The following ASTN2 variants were observed in gnomAD, a reference collection of about 807,000 sequenced individuals.
ASTN2 encodes astrotactin-2.
ASTN2 carries 54 observed loss-of-function variants against 139.8 expected under a neutral mutation model. The observed-to-expected ratio is 0.39, with a 90% CI of 0.31 to 0.48. The LOEUF (loss-of-function observed/expected upper bound fraction) is 0.48, where lower values mean the gene tolerates loss of function less well. ASTN2 is among the 20% of genes least tolerant of loss of function. The pLI is 0.95. For synonymous variants in ASTN2, 756 were observed against 719.5 expected, an observed-to-expected ratio of 1.05 and a Z score of -0.81; for missense variants, 1,565 against 1,725.1, an observed-to-expected ratio of 0.91 and a Z score of 1.64.
At chr9:117,247,286 G>A (rs1833408124) in intron 2 of ASTN2, among the ~76,000 whole-genome samples, 1 of 152,196 alleles carries the variant, frequency 6.6e-6, no homozygotes, top group Non-Finnish European at 1.5e-5. Flanking sequence ...CTTAACTTAG[G>A]GTCTTTTGAG....
intron 4 of ASTN2, among the ~76,000 whole-genome samples, chr9:117,106,592 G>C (rs979752155): frequency 6.6e-6 from 1 of 152,070 alleles, no homozygotes; most frequent in Non-Finnish European, 1.5e-5. Flanking sequence ...ATTTATTGTA[G>C]AAATGTTTTC....
chr9:116,602,717 T>C (rs1224627791), intron 19 of ASTN2, among the ~76,000 whole-genome samples: 1 of 152,136 alleles, frequency 6.6e-6, no homozygotes, highest in Non-Finnish European at 1.5e-5. Flanking sequence ...TTACTTGAGC[T>C]CAGGAGTTCG....
chr9:116,464,025 G>C (rs1848576263), intron 20 of ASTN2, among the ~76,000 whole-genome samples: 1 of 149,870 alleles, frequency 6.7e-6, no homozygotes, highest in Non-Finnish European at 1.5e-5. Context: ...TGAGATTAAA[G>C]GTGCCAGCCA....
intron 13 of ASTN2, among the ~76,000 whole-genome samples, chr9:116,742,032 G>A (rs375258333): frequency 6.6e-6 from 1 of 152,214 alleles, no homozygotes; most frequent in Non-Finnish European, 1.5e-5. Flanking sequence ...CTGTCCTCCA[G>A]TTACTCACAG....
chr9:116,921,173 C>G (rs2132435899), intron 10 of ASTN2, among the ~76,000 whole-genome samples: 1 of 152,222 alleles, frequency 6.6e-6, no homozygotes, highest in Non-Finnish European at 1.5e-5. Context: ...ACAACAAGAT[C>G]TCACAAGAAT....
At chr9:117,139,318 C>T (rs976887658) in intron 4 of ASTN2, among the ~76,000 whole-genome samples, 6 of 152,178 alleles carry the variant, frequency 3.9e-5, no homozygotes, top group African/African-American at 1.4e-4. Context: ...TGATGTAGGG[C>T]TTGGCATCCT....
chr9:116,863,477 T>C (rs1329469442), intron 11 of ASTN2, 106 bp downstream of exon 11: 3 of 1,429,210 alleles, frequency 2.1e-6, no homozygotes, highest in Admixed American at 2.1e-5. Context: ...ATAAGGGTAG[T>C]GTGGATATGA....
chr9:116,738,627 G>T (rs1829010035), intron 13 of ASTN2, among the ~76,000 whole-genome samples: 1 of 152,140 alleles, frequency 6.6e-6, no homozygotes, highest in Non-Finnish European at 1.5e-5. Context: ...AACAGATATA[G>T]GAGTGTGTAT....
chr9:117,119,535 C>A (rs919589280), intron 4 of ASTN2, among the ~76,000 whole-genome samples: 1 of 152,158 alleles, frequency 6.6e-6, no homozygotes, highest in African/African-American at 2.4e-5. Flanking sequence ...AGCTTTCACT[C>A]CACAGCTTGC....
At chr9:117,323,172 C>T (rs974037740) in intron 1 of ASTN2, among the ~76,000 whole-genome samples, 1 of 152,082 alleles carries the variant, frequency 6.6e-6, no homozygotes, top group African/African-American at 2.4e-5. Flanking sequence ...TGCACACACA[C>T]ACATATACAT....
Position 116,698,037 on chromosome 9 carries a change from A to G in ASTN2, c.2806+27734T>C. On this transcript the variant is annotated intron_variant, in intron 16 of 22. Transcript: ENST00000313400. The surrounding 1 kb of genome is among the most constrained non-coding windows in gnomAD (Gnocchi z 4.4). ...GCTCAGCGAGGCTGTGGGGCTGCTC[A>G]TGTGTCGGTCCTGTGGGCGGCGTCT... 1 of 1,614,016 alleles carries G rather than the reference A, an allele frequency of 6.2e-7. No homozygotes were observed. Among genetic ancestry groups the G allele is most frequent in the Non-Finnish European group, 8.5e-7 (1 of 1,180,022 alleles).
chr9:117,000,756 A>G (rs1443416101), intron 7 of ASTN2, among the ~76,000 whole-genome samples: 1 of 152,160 alleles, frequency 6.6e-6, no homozygotes, highest in East Asian at 1.9e-4. Context: ...TTCTCATCTC[A>G]TCCAGTGTTG....
At chr9:117,113,300 A>C (rs1047000788) in intron 4 of ASTN2, among the ~76,000 whole-genome samples, 1 of 152,212 alleles carries the variant, frequency 6.6e-6, no homozygotes, top group Non-Finnish European at 1.5e-5. Flanking sequence ...CAGCAGTTTT[A>C]TCCACAGTAG....
intron 1 of ASTN2, among the ~76,000 whole-genome samples, chr9:117,368,567 A>G (rs1373180664): frequency 2.6e-5 from 4 of 152,138 alleles, no homozygotes; most frequent in Non-Finnish European, 5.9e-5. Context: ...GAGTTTTTCC[A>G]TTATCATTGA....
chr9:117,111,356 T>A (rs1829243799), intron 4 of ASTN2, among the ~76,000 whole-genome samples: 1 of 152,040 alleles, frequency 6.6e-6, no homozygotes, highest in African/African-American at 2.4e-5. Flanking sequence ...ACTAAAAATG[T>A]GAGGACTATT....
At chr9:116,597,299 A>ATTTTTTT (rs757848093) in intron 19 of ASTN2, among the ~76,000 whole-genome samples, 2 of 75,532 alleles carry the variant, frequency 2.6e-5, no homozygotes, top group South Asian at 6.4e-4. Flanking sequence ...CTTTTGATCT[A>ATTTTTTT]TTTTTTTTTT....
intron 6 of ASTN2, among the ~76,000 whole-genome samples, chr9:117,032,531 G>A (rs149294513): frequency 6.6e-6 from 1 of 152,208 alleles, no homozygotes; most frequent in African/African-American, 2.4e-5. Context: ...GGCAGTTTGT[G>A]GCTAAGGATC....
intron 19 of ASTN2, among the ~76,000 whole-genome samples, chr9:116,573,637 T>G (rs1853612039): frequency 6.6e-6 from 1 of 152,228 alleles, no homozygotes; most frequent in Non-Finnish European, 1.5e-5. Context: ...TTTGTTTGTT[T>G]GCTTTTGCTT....
At chr9:116,500,345 C>T (rs755890681) in intron 19 of ASTN2, among the ~76,000 whole-genome samples, 6 of 152,180 alleles carry the variant, frequency 3.9e-5, no homozygotes, top group Non-Finnish European at 5.9e-5. Flanking sequence ...GAAGGTGAAT[C>T]TCCGGAAAGG....
Sources: gnomAD v4.1 joint callset for allele counts (sites outside exome capture counted in the v4.1 genomes callset) on GRCh38, gnomAD v4.1.1 for gene constraint, Gnocchi (gnomAD v3.1) non-coding constraint, MANE v1.5 for transcripts, NCBI Gene and HGNC (gene_info 2026-07-23, HGNC 2026-07-21) for gene names.